Variants in CCNF observed in about 807,000 individuals in gnomAD.
CCNF encodes cyclin F, also known as cyclin-F.
In CCNF, 30 loss-of-function variants were observed where a neutral mutation model predicts 85.4. The ratio of observed to expected loss-of-function variants is 0.35; its 90% CI spans 0.26 to 0.48. CCNF has a LOEUF of 0.48. Ranked by LOEUF, CCNF falls within the 20% of genes least tolerant of loss-of-function variation. The pLI, the probability that CCNF is intolerant of heterozygous loss-of-function variation, is 0.99. For synonymous variants in CCNF, 439 were observed against 425.1 expected, an observed-to-expected ratio of 1.03 and a Z score of -0.40; for missense variants, 919 against 1,010.4, an observed-to-expected ratio of 0.91 and a Z score of 1.23.
intron 10 of CCNF, among the ~76,000 whole-genome samples, chr16:2,446,514 T>G (rs547581432): frequency 2.0e-5 from 3 of 152,378 alleles, no homozygotes; most frequent in African/African-American, 7.2e-5. Flanking sequence ...AGTTCCGCCT[T>G]TGGAAATAAC....
In CCNF at chr16:2,439,366, A is replaced by T. The variant is rs1182915298; in HGVS notation, c.608A>T (p.Gln203Leu). 15 of 1,606,414 alleles carry T rather than the reference A, an allele frequency of 9.3e-6. No homozygotes were observed. The highest frequency in any genetic ancestry group is 1.9e-4 in the Middle Eastern group (1 of 5,206). Residue 203 changes from glutamine to leucine, a missense_variant, in exon 7 of 17, where the codon CAG (glutamine) becomes CTG (leucine). Gln to Leu is a moderately radical substitution (Grantham distance 113). Around this residue, in one of 3 missense-constraint regions of CCNF, gnomAD observed 410 missense variants for 478.6 expected, o/e 0.86. Coordinates refer to ENST00000397066, the MANE Select transcript of CCNF (RefSeq NM_001761.3). The part of the protein sequence containing the change: ...VLSLFEDEEK[Q>L]QQAHDLFEEA... ...GATTTATTCTAGGATGAGGAGAAGC[A>T]GCAGCAGGCCCATGACCTGTTTGAG...
At chr16:2,455,248 C>T (rs2065419607) in intron 15 of CCNF, 147 bp from the exon 16 acceptor site, 1 of 1,106,170 alleles carries the variant, frequency 9.0e-7, no homozygotes, top group Non-Finnish European at 1.2e-6. Context: ...CCTGTTCTAG[C>T]TTCACCGGCA....
intron 3 of CCNF, 145 bp downstream of exon 3, chr16:2,433,212 G>T: frequency 3.4e-6 from 2 of 590,430 alleles, no homozygotes; most frequent in East Asian, 5.7e-5. Flanking sequence ...AGTGACTGAG[G>T]GTGGCAGACC....
intron 3 of CCNF, among the ~76,000 whole-genome samples, chr16:2,435,424 A>AT (rs34956143): frequency 0.76 from 112,561 of 149,066 alleles, 43,386 homozygotes; most frequent in African/African-American, 0.92. Flanking sequence ...AAAAGAAAAT[A>AT]TTTTTTTTTG....
At position 2,451,310 on chromosome 16, in the gene CCNF, G is replaced by A. The variant is rs1230698199; in HGVS notation, c.1487+1395G>A. 6.6e-6 allele frequency among the ~76,000 whole-genome samples: 1 copy of A among 152,214 alleles called. No individual in the cohort carries two copies. The highest frequency in any genetic ancestry group is 2.4e-5 in the African/African-American group (1 of 41,456). ...GGGCATCTGAGTCCAGGGCAAAGGG[G>A]GCAGCCATGCCAGGGCCCAGTGCAG... is the stretch of plus-strand genomic sequence containing the variant. On this transcript the variant is annotated intron_variant, in intron 13 of 16. Coordinates refer to ENST00000397066, the MANE Select transcript of CCNF (RefSeq NM_001761.3). The surrounding 1 kb of genome is among the most constrained non-coding windows in gnomAD (Gnocchi z 4.3).
Position 2,432,943 on chromosome 16 carries a change from GC to G in CCNF, c.172-13del. 5 of 1,536,250 alleles carry G rather than the reference GC, an allele frequency of 3.3e-6. No individual in the cohort carries two copies. The highest frequency in any genetic ancestry group is 4.5e-6 in the Non-Finnish European group (5 of 1,114,162). Reference sequence around the variant, plus strand: ...GTGGTGCCTCCATCACCCAGCCCCGGCCCCCGTTGTTCTGCAGGTACACTCC... The same window carrying G: ...GTGGTGCCTCCATCACCCAGCCCCGGCCCCGTTGTTCTGCAGGTACACTCC... On this transcript the variant is annotated splice_polypyrimidine_tract_variant and intron_variant, in intron 2 of 16. Coordinates refer to ENST00000397066, the MANE Select transcript of CCNF (RefSeq NM_001761.3).
In CCNF at chr16:2,451,757, G is replaced by T. The variant is rs917256491; in HGVS notation, c.1488-1453G>T. Among the ~76,000 whole-genome samples, 1 of 152,126 alleles carries T rather than the reference G, an allele frequency of 6.6e-6. No individual in the cohort carries two copies. Among genetic ancestry groups the T allele is most frequent in the Non-Finnish European group, 1.5e-5 (1 of 68,004 alleles). ...GCATTACGCTGACCCTCCCTCCCTCGGGGGCTTCGGCTTCCTGCCCTAGGC... is the reference window on the plus strand; with the variant it reads ...GCATTACGCTGACCCTCCCTCCCTCTGGGGCTTCGGCTTCCTGCCCTAGGC... On this transcript the variant is annotated intron_variant, in intron 13 of 16. Transcript: ENST00000397066. This position sits in a 1 kb window ranked among gnomAD's most constrained non-coding sequence, Gnocchi z 4.3.
chr16:2,444,866 T>C (rs913475155), intron 9 of CCNF, among the ~76,000 whole-genome samples: 1 of 151,000 alleles, frequency 6.6e-6, no homozygotes, highest in Non-Finnish European at 1.5e-5. Flanking sequence ...CACAGTGCAG[T>C]GATCTTTTTT....
At chr16:2,439,902 C>T in intron 8 of CCNF, 76 bp downstream of exon 8, 1 of 1,281,580 alleles carries the variant, frequency 7.8e-7, no homozygotes, top group Admixed American at 1.8e-5. Context: ...ATCTGGGCTC[C>T]CACATTGGGG....
chr16:2,451,264 G>A lies in CCNF; in HGVS notation c.1487+1349G>A, dbSNP rs1413299387. Among the ~76,000 whole-genome samples, 2 of 152,228 alleles carry A rather than the reference G, an allele frequency of 1.3e-5. No homozygotes were observed. Among genetic ancestry groups the A allele is most frequent in the Non-Finnish European group, 2.9e-5 (2 of 68,042 alleles). ...CGCGGGCGGGGGCGACTCCCTTCAG[G>A]GAGCGTAGCCGGGGTCACCTGGGCA... On this transcript the variant is annotated intron_variant, in intron 13 of 16. Coordinates refer to ENST00000397066, the MANE Select transcript of CCNF (RefSeq NM_001761.3). This position sits in a 1 kb window ranked among gnomAD's most constrained non-coding sequence, Gnocchi z 4.3.
At position 2,449,297 on chromosome 16, in the gene CCNF, G is replaced by A; in HGVS notation, c.1234G>A (p.Asp412Asn). The change falls in exon 12 of 17, where the codon GAT (aspartate) becomes AAT (asparagine). Residue 412 changes from aspartate to asparagine, a missense_variant. Physicochemically the swap from Asp to Asn is conservative, Grantham distance 23. Transcript: ENST00000397066. ...GGCTGTCTAGGTCCCCACTGTGGTG[G>A]ATTACAAGGAGGTCCTGCTGACGCT... ...EGKIRVPTVV[D>N]YKEVLLTLVP... 6.2e-7 allele frequency: 1 copy of A among 1,613,864 alleles called. No homozygotes were observed. Among genetic ancestry groups the A allele is most frequent in the Non-Finnish European group, 8.5e-7 (1 of 1,179,916 alleles).
intron 4 of CCNF, 44 bp downstream of exon 4, chr16:2,435,917 T>C (rs1434987946): frequency 1.4e-6 from 2 of 1,439,402 alleles, no homozygotes; most frequent in Non-Finnish European, 2.0e-6. Flanking sequence ...CAGATAAGTG[T>C]GAGCCTTTGG....
chr16:2,433,778 G>A lies in CCNF; in HGVS notation c.278+711G>A, dbSNP rs542898634. Among the ~76,000 whole-genome samples the A allele has an allele frequency of 3.3e-5, 5 of 152,150 alleles. No individual in the cohort carries two copies. The South Asian group carries it at 1.0e-3, about 32-fold the overall frequency. ...TTTTTGTATTCTTAGTAGAGATGGGGTTTCGCCATGTTGGCCAGGATGGTC... is the reference window on the plus strand; with the variant it reads ...TTTTTGTATTCTTAGTAGAGATGGGATTTCGCCATGTTGGCCAGGATGGTC... On this transcript the variant is annotated intron_variant, in intron 3 of 16. Transcript: ENST00000397066.
Position 2,451,484 on chromosome 16 carries a change from C to A in CCNF, c.1487+1569C>A, listed in dbSNP as rs2065394947. 6.6e-6 allele frequency among the ~76,000 whole-genome samples: 1 copy of A among 152,204 alleles called. No homozygotes were observed. Among genetic ancestry groups the A allele is most frequent in the African/African-American group, 2.4e-5 (1 of 41,442 alleles). On this transcript the variant is annotated intron_variant, in intron 13 of 16. Coordinates refer to ENST00000397066, the MANE Select transcript of CCNF (RefSeq NM_001761.3). The surrounding 1 kb of genome is among the most constrained non-coding windows in gnomAD (Gnocchi z 4.3). ...TGCTCCTCCCACCTCTCGGCACCCC[C>A]ACTCCCTGGTCTCCCACTTCCCCGC...
intron 8 of CCNF, among the ~76,000 whole-genome samples, chr16:2,443,336 G>C (rs2065343026): frequency 6.6e-6 from 1 of 151,468 alleles, no homozygotes; most frequent in Non-Finnish European, 1.5e-5. Flanking sequence ...CTTTCGGAGA[G>C]CACTGGGGCG....
At chr16:2,455,077 A>C (rs1367951638) in intron 15 of CCNF, among the ~76,000 whole-genome samples, 1 of 151,582 alleles carries the variant, frequency 6.6e-6, no homozygotes, top group Non-Finnish European at 1.5e-5. Flanking sequence ...AAAAAAAAAA[A>C]AAAAACACTG....
chr16:2,430,646 C>T (rs1047177308), intron 1 of CCNF, among the ~76,000 whole-genome samples: 1 of 152,112 alleles, frequency 6.6e-6, no homozygotes, highest in Non-Finnish European at 1.5e-5. Context: ...TCTCCAGGGC[C>T]GACCCTTCTA....
rs909517386 is a variant in CCNF, at chr16:2,451,910, C to A, written c.1488-1300C>A. 2.0e-5 allele frequency among the ~76,000 whole-genome samples: 3 copies of A among 152,176 alleles called. No individual in the cohort carries two copies. The highest frequency in any genetic ancestry group is 2.9e-5 in the Non-Finnish European group (2 of 68,024). Reference sequence around the variant, plus strand: ...TTCCAGAATTCAGGCCACATCTCAACCTTGACCTGCCACCCCCCTGCCAGC... The same window carrying A: ...TTCCAGAATTCAGGCCACATCTCAAACTTGACCTGCCACCCCCCTGCCAGC... On this transcript the variant is annotated intron_variant, in intron 13 of 16. Coordinates refer to ENST00000397066, the MANE Select transcript of CCNF (RefSeq NM_001761.3). The surrounding 1 kb of genome is among the most constrained non-coding windows in gnomAD (Gnocchi z 4.3).
chr16:2,456,025 G>C lies in CCNF; in HGVS notation c.1885+461G>C, dbSNP rs551507662. Among the ~76,000 whole-genome samples, 1 of 152,342 alleles carries C rather than the reference G, an allele frequency of 6.6e-6. No homozygotes were observed. Among genetic ancestry groups the C allele is most frequent in the Admixed American group, 6.5e-5 (1 of 15,308 alleles). On this transcript the variant is annotated intron_variant, in intron 16 of 16. Coordinates refer to ENST00000397066, the MANE Select transcript of CCNF (RefSeq NM_001761.3). This position sits in a 1 kb window ranked among gnomAD's most constrained non-coding sequence, Gnocchi z 4.5. ...AAAATTTAAAAATTAGCTGGGCATC[G>C]TGGCGTGCGCCTGTGGTCCCAGCTA...
Sources: gnomAD v4.1 joint callset for allele counts (sites outside exome capture counted in the v4.1 genomes callset) on GRCh38, gnomAD v4.1.1 for gene constraint, gnomAD v4.1.1 regional missense constraint, Gnocchi (gnomAD v3.1) non-coding constraint, MANE v1.5 for transcripts, NCBI Gene and HGNC (gene_info 2026-07-23, HGNC 2026-07-21) for gene names.